Variants in IL17RD observed in about 807,000 individuals in gnomAD.
The protein encoded by IL17RD is interleukin 17 receptor D, also known as interleukin-17 receptor D.
A neutral mutation model predicts 80.5 loss-of-function variants in IL17RD; 52 were observed. That is an observed-to-expected ratio of 0.65 (90% CI 0.52 to 0.81). The LOEUF (loss-of-function observed/expected upper bound fraction) is 0.81. IL17RD is among the 40% of genes least tolerant of loss of function. IL17RD has a pLI of 0.00. For synonymous variants in IL17RD, 416 were observed against 391.8 expected, an observed-to-expected ratio of 1.06 and a Z score of -0.73; for missense variants, 1,024 against 955.1, an observed-to-expected ratio of 1.07 and a Z score of -0.95.
Position 57,094,500 on chromosome 3 carries a change from TC to T in IL17RD, c.*1892del, listed in dbSNP as rs1706626190. The stretch of plus-strand genomic sequence containing the variant: ...CAGTTAATGCTTCTCCTCCCAGTCC[TC>T]CATTCTCTCCCTGGGGCCACTTTCT... On this transcript the variant is annotated 3_prime_UTR_variant, in exon 13 of 13. Transcript: ENST00000296318. The T allele has an allele frequency of 3.9e-5, 6 of 152,298 alleles. No individual in the cohort carries two copies. The South Asian group carries it at 1.2e-3, about 32-fold the overall frequency. The allele number at this position is 152,298 out of a possible 1,614,324, so 9.4% of individuals were successfully genotyped here.
At position 57,098,368 on chromosome 3, in the gene IL17RD, C is replaced by T. The variant is rs539613735; in HGVS notation, c.1335G>A (p.Gly445=). ...YKHKGGGRGS[G]KGELFLVAVS... ...CCGCCACCAGGAAGAGCTCTCCTTT[C>T]CCCGAGCCTCGGCCACCTCCTTTGT... is the stretch of plus-strand genomic sequence containing the variant. Residue 445 remains glycine (G), a synonymous_variant, in exon 12 of 13, where the codon GGG becomes GGA. Transcript: ENST00000296318. 2 of 1,614,032 alleles carry T rather than the reference C, an allele frequency of 1.2e-6. No homozygotes were observed. The highest frequency in any genetic ancestry group is 1.7e-5 in the Admixed American group (1 of 60,028).
Position 57,110,246 on chromosome 3 carries a change from G to C in IL17RD, c.376C>G (p.Gln126Glu). Residue 126 changes from glutamine to glutamate, a missense_variant, in exon 4 of 13, where the codon CAA becomes GAA. By Grantham distance (29) the Gln-to-Glu change is conservative. Coordinates refer to ENST00000296318, the MANE Select transcript of IL17RD (RefSeq NM_017563.5). The part of the protein sequence containing the change: ...EELKSEGRQC[Q>E]QLILKDPKQL... ...TTCGGATCCTTTAGAATCAGTTGTTGGCACTGTCTTCCCTCCGACTTCAGC... is the reference window on the plus strand; with the variant it reads ...TTCGGATCCTTTAGAATCAGTTGTTCGCACTGTCTTCCCTCCGACTTCAGC... The C allele has an allele frequency of 6.2e-7, 1 of 1,609,506 alleles. No individual in the cohort carries two copies. Among genetic ancestry groups the C allele is most frequent in the Non-Finnish European group, 8.5e-7 (1 of 1,177,804 alleles).
rs753785807 is a variant in IL17RD at position 57,097,796 on chromosome 3, G to T, written c.1907C>A (p.Ala636Asp). The change falls in exon 12 of 13, where the codon GCC becomes GAC. Residue 636 changes from alanine (A) to aspartate (D), a missense_variant. Coordinates refer to ENST00000296318, the MANE Select transcript of IL17RD (RefSeq NM_017563.5). Reference sequence around the variant, plus strand: ...TTGCAGGGCGGCGCTACCGTCAAGGGCAGGCCGGGCCTCCCCGTCTTGGTC... The same window carrying T: ...TTGCAGGGCGGCGCTACCGTCAAGGTCAGGCCGGGCCTCCCCGTCTTGGTC... ...GLDQDGEARP[A>D]LDGSAALQPL... The T allele has an allele frequency of 6.2e-7, 1 of 1,605,090 alleles. No homozygotes were observed. Among genetic ancestry groups the T allele is most frequent in the South Asian group, 1.1e-5 (1 of 89,316 alleles).
Position 57,097,968 on chromosome 3 carries a change from A to G in IL17RD, c.1735T>C (p.Leu579=). The G allele has an allele frequency of 6.2e-7, 1 of 1,614,008 alleles. No individual in the cohort carries two copies. The highest frequency in any genetic ancestry group is 8.5e-7 in the Non-Finnish European group (1 of 1,179,874). Residue 579 remains leucine, a synonymous_variant, in exon 12 of 13, where the codon TTG becomes CTG. Coordinates refer to ENST00000296318, the MANE Select transcript of IL17RD (RefSeq NM_017563.5). ...PPPLRYREPV[L]EKFDSGLVLN... ...ACCAAGCCCGAATCAAATTTCTCCAAGACTGGCTCCCGGTAGCGCAGTGGA... is the reference window on the plus strand; with the variant it reads ...ACCAAGCCCGAATCAAATTTCTCCAGGACTGGCTCCCGGTAGCGCAGTGGA...
At chr3:57,113,197 C>G (rs1707136714) in intron 3 of IL17RD, among the ~76,000 whole-genome samples, 1 of 152,168 alleles carries the variant, frequency 6.6e-6, no homozygotes, top group Non-Finnish European at 1.5e-5. Flanking sequence ...CCATATAATA[C>G]AGGTTTGCTT....
chr3:57,169,415 A>C, upstream of IL17RD: 1 of 268,366 alleles, frequency 3.7e-6, no homozygotes. Flanking sequence ...AACAGATAAA[A>C]TCACCTTAAA....
chr3:57,127,271 T>A lies in IL17RD; in HGVS notation c.127-6958A>T, dbSNP rs1441435764. Among the ~76,000 whole-genome samples the A allele has an allele frequency of 5.5e-5, 5 of 91,250 alleles. No homozygotes were observed. The South Asian group carries it at 9.3e-4, about 17-fold the overall frequency. The allele number at this position is 91,250 out of a possible 152,430, so 59.9% of individuals were successfully genotyped here. On this transcript the variant is annotated intron_variant, in intron 1 of 12. Coordinates refer to ENST00000296318, the MANE Select transcript of IL17RD (RefSeq NM_017563.5). Reference sequence around the variant, plus strand: ...ATATATAAATATATATAAATATATATAAAAATATATATAAATATATATAAA... The same window carrying A: ...ATATATAAATATATATAAATATATAAAAAAATATATATAAATATATATAAA...
intron 1 of IL17RD, among the ~76,000 whole-genome samples, chr3:57,129,917 G>A (rs1028114670): frequency 3.3e-5 from 5 of 152,078 alleles, no homozygotes; most frequent in Admixed American, 2.0e-4. Flanking sequence ...CCTTTTAAAT[G>A]CCCCTGTTCT....
At chr3:57,105,402 T>G (rs757960365) in intron 7 of IL17RD, among the ~76,000 whole-genome samples, 6 of 150,852 alleles carry the variant, frequency 4.0e-5, no homozygotes, top group Non-Finnish European at 8.9e-5. Flanking sequence ...TTGGGTGTGG[T>G]GGCATGCGCC....
upstream of IL17RD, among the ~76,000 whole-genome samples, chr3:57,167,101 C>A (rs1226460498): frequency 1.3e-5 from 2 of 152,196 alleles, no homozygotes; most frequent in Non-Finnish European, 2.9e-5. Flanking sequence ...ACAGTGCTTG[C>A]CCAAAGGAAC....
At chr3:57,110,123 T>C (rs973818171) in intron 4 of IL17RD, 70 bp downstream of exon 4, 23 of 1,532,224 alleles carry the variant, frequency 1.5e-5, no homozygotes, top group Admixed American at 3.9e-5. Flanking sequence ...AATTTCAGAC[T>C]TTGAATACAC....
chr3:57,097,952 G>C lies in IL17RD; in HGVS notation c.1751C>G (p.Ser584Trp). The C allele has an allele frequency of 2.5e-6, 4 of 1,613,990 alleles. No individual in the cohort carries two copies. Among genetic ancestry groups the C allele is most frequent in the Non-Finnish European group, 3.4e-6 (4 of 1,179,892 alleles). Residue 584 changes from serine to tryptophan, a missense_variant, in exon 12 of 13, where the codon TCG becomes TGG. Transcript: ENST00000296318. The part of the protein sequence containing the change: ...YREPVLEKFD[S>W]GLVLNDVMCK... ...CATGACATCATTTAAAACCAAGCCCGAATCAAATTTCTCCAAGACTGGCTC... is the reference window on the plus strand; with the variant it reads ...CATGACATCATTTAAAACCAAGCCCCAATCAAATTTCTCCAAGACTGGCTC...
Position 57,098,136 on chromosome 3 carries a change from G to A in IL17RD, c.1567C>T (p.Gln523Ter). ...CTTCTGCTGCCCTGTCGCGTGTGCT[G>A]CCCCGGCTCCTGGAGGCCGTGGTCT... is the stretch of plus-strand genomic sequence containing the variant. ...SRDHGLQEPG[Q>*]HTRQGSRRNY... Residue 523 changes from glutamine to a stop codon, truncating the protein, a stop_gained, in exon 12 of 13, where the codon CAG becomes TAG. Coordinates refer to ENST00000296318, the MANE Select transcript of IL17RD (RefSeq NM_017563.5). LOFTEE classifies it high-confidence loss of function. 6.2e-7 allele frequency: 1 copy of A among 1,613,946 alleles called. No homozygotes were observed. The highest frequency in any genetic ancestry group is 1.1e-5 in the South Asian group (1 of 91,082).
intron 11 of IL17RD, 25 bp from the exon 12 acceptor site, chr3:57,098,563 C>T (rs1174143748): frequency 3.3e-6 from 5 of 1,508,740 alleles, no homozygotes; most frequent in Non-Finnish European, 4.5e-6. Context: ...AGGCACCTCA[C>T]CCATACAGAA....
chr3:57,132,144 C>A (rs984798621), intron 1 of IL17RD, among the ~76,000 whole-genome samples: 1 of 151,832 alleles, frequency 6.6e-6, no homozygotes, highest in Admixed American at 6.6e-5. Flanking sequence ...CGAGATCACA[C>A]CACCACACTC....
intron 1 of IL17RD, among the ~76,000 whole-genome samples, chr3:57,163,641 C>A (rs1186687211): frequency 1.3e-5 from 2 of 152,008 alleles, no homozygotes; most frequent in Non-Finnish European, 2.9e-5. Context: ...TAAGTCAACA[C>A]GAGATCCTCC....
At chr3:57,137,346 G>A (rs532714385) in intron 1 of IL17RD, among the ~76,000 whole-genome samples, 1 of 152,350 alleles carries the variant, frequency 6.6e-6, no homozygotes, top group African/African-American at 2.4e-5. Flanking sequence ...AGACAGGCAA[G>A]ATCCAAATAC....
chr3:57,115,409 A>G (rs112570263), intron 2 of IL17RD, among the ~76,000 whole-genome samples: 1 of 152,272 alleles, frequency 6.6e-6, no homozygotes, highest in African/African-American at 2.4e-5. Context: ...CTTAGACACC[A>G]TGTGTCATCA....
chr3:57,103,280 T>C (rs1044650066), intron 8 of IL17RD, 135 bp from the exon 9 acceptor site: 2 of 700,998 alleles, frequency 2.9e-6, no homozygotes, highest in African/African-American at 3.6e-5. Flanking sequence ...CAGTGGAGAA[T>C]GGCTGAGTTT....
Sources: allele counts gnomAD v4.1 joint callset (sites outside exome capture counted in the v4.1 genomes callset), GRCh38; gene constraint gnomAD v4.1.1; transcripts MANE v1.5; gene names NCBI Gene and HGNC (gene_info 2026-07-23, HGNC 2026-07-21).